The following ARHGAP22 variants were observed in gnomAD, a reference collection of about 807,000 sequenced individuals.
The protein encoded by ARHGAP22 is rho GTPase-activating protein 22.
A neutral mutation model predicts 59.1 loss-of-function variants in ARHGAP22; 48 were observed. The observed-to-expected ratio is 0.81, with a 90% confidence interval of 0.64 to 1.03. The LOEUF (loss-of-function observed/expected upper bound fraction) is 1.03. ARHGAP22 is among the 50% of genes least tolerant of loss of function. The pLI, the probability that ARHGAP22 is intolerant of heterozygous loss-of-function variation, is 0.00. For missense variants in ARHGAP22, 1,015 were observed against 958.7 expected, an observed-to-expected ratio of 1.06 and a Z score of -0.78; for synonymous variants, 445 against 416.4, an observed-to-expected ratio of 1.07 and a Z score of -0.84.
At chr10:48,606,030 C>T (rs553327957), upstream of ARHGAP22, among the ~76,000 whole-genome samples, 121 of 152,278 alleles carry the variant, frequency 7.9e-4, 1 homozygote, top group Admixed American at 1.2e-3. Flanking sequence ...TGCCTCTGTG[C>T]CCCTGATAAT....
At chr10:48,518,297 C>A (rs541652894) in intron 3 of ARHGAP22, among the ~76,000 whole-genome samples, 1 of 152,212 alleles carries the variant, frequency 6.6e-6, no homozygotes. Context: ...CTCGCCTGGC[C>A]TCTGCCAGCC....
chr10:48,443,018 C>T (rs994161120), downstream of ARHGAP22, among the ~76,000 whole-genome samples: 3 of 152,262 alleles, frequency 2.0e-5, no homozygotes, highest in African/African-American at 7.2e-5. Flanking sequence ...GGAGTCTTTG[C>T]TTGGAAACTG....
Position 48,450,504 on chromosome 10 carries a change from G to A in ARHGAP22, c.1625C>T (p.Ser542Phe). 2 of 1,530,916 alleles carry A rather than the reference G, an allele frequency of 1.3e-6. No homozygotes were observed. The highest frequency in any genetic ancestry group is 1.8e-6 in the Non-Finnish European group (2 of 1,138,690). 94.8% of individuals were successfully genotyped at this position (1,530,916 alleles called of 1,614,324 possible). The stretch of plus-strand genomic sequence containing the variant: ...CTCCAGGGCCCAGTCGGTGTGCAGG[G>A]AACTGCGGGCAGACGAGTCGCTGGC... ...CRASDSSARS[S>F]LHTDWALEPS... is the part of the protein sequence containing the mutation. The change falls in exon 9 of 10, where the codon TCC becomes TTC. Residue 542 changes from serine (S) to phenylalanine (F), a missense_variant. Physicochemically the swap from Ser to Phe is radical, Grantham distance 155. Transcript: ENST00000249601.
rs557419727 is a variant in ARHGAP22, at chr10:48,555,617, G to T, written c.235-67C>A. 3.3e-6 allele frequency: 5 copies of T among 1,531,236 alleles called. No individual in the cohort carries two copies. The South Asian group carries it at 3.4e-5, about 10-fold the overall frequency. 94.9% of individuals were successfully genotyped at this position (1,531,236 alleles called of 1,614,324 possible). A position where few individuals can be genotyped will look rare whatever the true frequency, so the allele number is the denominator to read the frequency against. ...TGGGGAGGGGACTGCTGTCGTCAGGGTCCCTGGAGAGGAGAGGTTAGGACC... is the reference window on the plus strand; with the variant it reads ...TGGGGAGGGGACTGCTGTCGTCAGGTTCCCTGGAGAGGAGAGGTTAGGACC... On this transcript the variant is annotated intron_variant, in intron 2 of 9. Coordinates refer to ENST00000249601, the MANE Select transcript of ARHGAP22 (RefSeq NM_021226.4).
upstream of ARHGAP22, among the ~76,000 whole-genome samples, chr10:48,609,189 C>A (rs977775993): frequency 6.6e-6 from 1 of 152,212 alleles, no homozygotes; most frequent in African/African-American, 2.4e-5. Context: ...ACTCTGTCTG[C>A]CCCAGTCACT....
chr10:48,464,126 G>A lies in ARHGAP22; in HGVS notation c.452-4235C>T, dbSNP rs79658983. Among the ~76,000 whole-genome samples the A allele has an allele frequency of 3.9e-3, 594 of 152,266 alleles. 2 individuals are homozygous for A. The highest frequency in any genetic ancestry group is 0.013 in the African/African-American group (558 of 41,552). On this transcript the variant is annotated intron_variant, in intron 4 of 9. Transcript: ENST00000249601. Reference sequence around the variant, plus strand: ...GTGCCTGGCCCCACTCTAGGAATTAGAGAGCTGCCCTGAAGGCTGTAAACA... The same window carrying A: ...GTGCCTGGCCCCACTCTAGGAATTAAAGAGCTGCCCTGAAGGCTGTAAACA...
chr10:48,616,255 G>A (rs903495154), intron 1 of ARHGAP22, among the ~76,000 whole-genome samples: 1 of 152,074 alleles, frequency 6.6e-6, no homozygotes, highest in Non-Finnish European at 1.5e-5. Context: ...CTACAATATA[G>A]TGAAAAGATA....
chr10:48,582,901 C>T, intron 2 of ARHGAP22, 52 bp downstream of exon 2: 1 of 1,597,820 alleles, frequency 6.3e-7, no homozygotes, highest in Non-Finnish European at 8.6e-7. Context: ...GGTCTTCCCT[C>T]TTGTGGAGCC....
chr10:48,435,588 A>G, the ARHGAP22 span: 1 of 152,222 alleles, frequency 6.6e-6, no homozygotes, highest in African/African-American at 2.4e-5. Context: ...GAGACCTCCA[A>G]TATTTGCTAC....
chr10:48,450,397 T>G lies in ARHGAP22; in HGVS notation c.1732A>C (p.Ser578Arg). Residue 578 changes from serine to arginine, a missense_variant, in exon 9 of 10, where the codon AGC (serine) becomes CGC (arginine). Ser to Arg is a moderately radical substitution (Grantham distance 110). Transcript: ENST00000249601. Reference protein sequence around the residue: ...HSMDEAGAGASNSEPSEPDSP... With the variant: ...HSMDEAGAGARNSEPSEPDSP... ...TCCGGCTCGCTGGGCTCGCTGTTGC[T>G]GGCACCCGCGCCCGCCTCGTCCATG... The G allele has an allele frequency of 6.4e-7, 1 of 1,570,970 alleles. No homozygotes were observed. Among genetic ancestry groups the G allele is most frequent in the Non-Finnish European group, 8.6e-7 (1 of 1,158,800 alleles).
At chr10:48,444,780 A>G (rs2045285941), downstream of ARHGAP22, 1 of 152,244 alleles carries the variant, frequency 6.6e-6, no homozygotes, top group African/African-American at 2.4e-5. Context: ...TCCTCTGAAT[A>G]TGGATAATAG....
At chr10:48,565,688 T>C (rs2058005783) in intron 2 of ARHGAP22, among the ~76,000 whole-genome samples, 1 of 152,190 alleles carries the variant, frequency 6.6e-6, no homozygotes, top group Middle Eastern at 3.2e-3. Context: ...CTGGTTTCTT[T>C]ATGTGTAAAA....
chr10:48,636,648 G>C (rs2061830938), intron 1 of ARHGAP22, among the ~76,000 whole-genome samples: 1 of 152,198 alleles, frequency 6.6e-6, no homozygotes, highest in South Asian at 2.1e-4. Context: ...GTGTGTCCAA[G>C]CTTTAGAGCC....
intron 1 of ARHGAP22, among the ~76,000 whole-genome samples, chr10:48,593,005 C>A (rs866676801): frequency 1.3e-5 from 2 of 152,252 alleles, no homozygotes; most frequent in South Asian, 4.1e-4. Flanking sequence ...ACCGGCCACA[C>A]GGCCTCTCGG....
chr10:48,596,860 G>A (rs925333318), intron 1 of ARHGAP22, among the ~76,000 whole-genome samples: 1 of 152,172 alleles, frequency 6.6e-6, no homozygotes, highest in Non-Finnish European at 1.5e-5. Flanking sequence ...GAGGGCCTCT[G>A]TGAGCTGGTG....
rs113111980 is a variant in ARHGAP22 at position 48,647,349 on chromosome 10, C to T, written c.52+4885G>A. On this transcript the variant is annotated intron_variant, in intron 1 of 9. Transcript: ENST00000435790. ...CAGAGGTTGCAATGAGCCGAGATCA[C>T]GCCATTGCACTCCAGTCTGGGCGAC... 9.6e-3 allele frequency among the ~76,000 whole-genome samples: 1,464 copies of T among 152,146 alleles called. 31 individuals carry two copies. Among genetic ancestry groups the T allele is most frequent in the African/African-American group, 0.034 (1,399 of 41,474 alleles).
chr10:48,523,059 G>C (rs994226392), intron 3 of ARHGAP22, among the ~76,000 whole-genome samples: 2 of 152,258 alleles, frequency 1.3e-5, no homozygotes, highest in African/African-American at 4.8e-5. Context: ...GTCGAAGGCT[G>C]CCTGACCTTT....
intron 8 of ARHGAP22, 164 bp from the exon 9 acceptor site, chr10:48,451,304 C>A: frequency 1.1e-6 from 1 of 944,682 alleles, no homozygotes; most frequent in South Asian, 1.4e-5. Context: ...GGACCACACA[C>A]CCTCCAACTC....
At chr10:48,435,163 G>GT in the ARHGAP22 span, 1 of 658,014 alleles carries the variant, frequency 1.5e-6, no homozygotes, top group Non-Finnish European at 2.3e-6. Context: ...TAGTAAAGTA[G>GT]TTTATTTTTT....
Sources: allele counts gnomAD v4.1 joint callset (sites outside exome capture counted in the v4.1 genomes callset), GRCh38; gene constraint gnomAD v4.1.1; transcripts MANE v1.5; gene names NCBI Gene and HGNC (gene_info 2026-07-23, HGNC 2026-07-21).